Variants in CCDC180 observed in about 807,000 individuals in gnomAD.
CCDC180 encodes the protein coiled-coil domain-containing protein 180.
Under a neutral mutation model 209.2 loss-of-function variants are expected in CCDC180, and 154 were observed. The ratio of observed to expected loss-of-function variants is 0.74; its 90% CI spans 0.65 to 0.84. The LOEUF is 0.84. Ranked by LOEUF, CCDC180 falls within the 40% of genes least tolerant of loss-of-function variation. The probability of loss-of-function intolerance (pLI) is 0.00; values close to 1 mark genes in which losing one functional copy is unlikely to be tolerated. For missense variants in CCDC180, 1,874 were observed against 1,997.3 expected, an observed-to-expected ratio of 0.94 and a Z score of 1.18; for synonymous variants, 778 against 749.1, an observed-to-expected ratio of 1.04 and a Z score of -0.63.
At chr9:97,345,434 T>C (rs1322540804) in intron 19 of CCDC180, among the ~76,000 whole-genome samples, 1 of 152,230 alleles carries the variant, frequency 6.6e-6, no homozygotes, top group Non-Finnish European at 1.5e-5. Flanking sequence ...CATTGTGGTT[T>C]TAATATGTAT....
At chr9:97,370,534 A>G in intron 32 of CCDC180, 107 bp from the exon 33 acceptor site, 1 of 1,279,934 alleles carries the variant, frequency 7.8e-7, no homozygotes, top group Non-Finnish European at 1.1e-6. Flanking sequence ...CCACACACCC[A>G]GGTCAGAGGA....
chr9:97,339,451 A>G (rs1169071177), intron 18 of CCDC180, among the ~76,000 whole-genome samples: 1 of 152,190 alleles, frequency 6.6e-6, no homozygotes, highest in Non-Finnish European at 1.5e-5. Flanking sequence ...TTCTGAGTTG[A>G]AAATTCTTTT....
chr9:97,309,722 CT>C, intron 3 of CCDC180, 118 bp downstream of exon 3: 1 of 795,578 alleles, frequency 1.3e-6, no homozygotes, highest in Non-Finnish European at 1.9e-6. Context: ...AGTACCACCC[CT>C]AAAGCAGGGA....
Position 97,328,070 on chromosome 9 carries a change from C to T in CCDC180, c.1712C>T (p.Ala571Val), listed in dbSNP as rs1394679068. The part of the protein sequence containing the change: ...LLTKEVMEYP[A>V]IMLKELNSYS... The stretch of plus-strand genomic sequence containing the variant: ...ACAAAGGAAGTGATGGAGTACCCAG[C>T]GATCATGCTGAAAGAACTCAACTCC... The change falls in exon 16 of 37, where the codon GCG becomes GTG. Residue 571 changes from alanine to valine, a missense_variant. Coordinates refer to ENST00000529487, the MANE Select transcript of CCDC180 (RefSeq NM_020893.6). The T allele has an allele frequency of 1.7e-5, 28 of 1,613,956 alleles. No homozygotes were observed. The highest frequency in any genetic ancestry group is 1.7e-4 in the Middle Eastern group (1 of 6,060).
chr9:97,365,822 G>T (rs997331498), intron 30 of CCDC180, 83 bp downstream of exon 30: 10 of 1,210,638 alleles, frequency 8.3e-6, no homozygotes, highest in Admixed American at 5.6e-5. Flanking sequence ...CCGCTTGGGG[G>T]AAAATGAGGA....
chr9:97,371,860 G>T (rs1827110720), intron 34 of CCDC180, 154 bp downstream of exon 34: 2 of 482,406 alleles, frequency 4.1e-6, no homozygotes, highest in Non-Finnish European at 7.5e-6. Context: ...ATAATTTTTT[G>T]ATTAAAAAGC....
chr9:97,316,023 C>T (rs1468736556), intron 8 of CCDC180, among the ~76,000 whole-genome samples: 1 of 152,150 alleles, frequency 6.6e-6, no homozygotes, highest in African/African-American at 2.4e-5. Flanking sequence ...CCTGTAATAC[C>T]TGTCAGGACT....
chr9:97,347,521 C>T, intron 20 of CCDC180, 32 bp downstream of exon 20: 2 of 1,525,458 alleles, frequency 1.3e-6, no homozygotes, highest in Non-Finnish European at 1.8e-6. Context: ...GTCTGCCCTG[C>T]CCGCAGCCAC....
Position 97,322,823 on chromosome 9 carries a change from G to A in CCDC180, c.1160-10G>A. On this transcript the variant is annotated splice_polypyrimidine_tract_variant and intron_variant, in intron 11 of 36. Transcript: ENST00000529487. ...TCTGGACTGATTTGCTTTGTTTTCT[G>A]CCCATGGAGACACCTACCACGTGGA... 6.2e-7 allele frequency: 1 copy of A among 1,613,050 alleles called. No homozygotes were observed. Among genetic ancestry groups the A allele is most frequent in the South Asian group, 1.1e-5 (1 of 91,052 alleles).
chr9:97,327,292 T>C (rs1185311776), intron 15 of CCDC180, among the ~76,000 whole-genome samples: 3 of 152,230 alleles, frequency 2.0e-5, no homozygotes, highest in Admixed American at 1.3e-4. Context: ...TATGGGCATA[T>C]ACATTTATAT....
At chr9:97,324,867 G>A (rs1403143470) in intron 13 of CCDC180, 152 bp from the exon 14 acceptor site, 2 of 665,056 alleles carry the variant, frequency 3.0e-6, no homozygotes, top group Non-Finnish European at 4.9e-6. Flanking sequence ...GGAGGACCAA[G>A]AGCACAGGTG....
chr9:97,330,501 C>T lies in CCDC180; in HGVS notation c.2008C>T (p.Leu670=), dbSNP rs774563701. ...EMESFITEEV[L]GQQKKSPLHA... is the part of the protein sequence containing the mutation. ...GGAGTCCTTCATAACTGAAGAGGTG[C>T]TGGGGCAGCAGAAAAAATCTCCACT... is the stretch of plus-strand genomic sequence containing the variant. The change falls in exon 18 of 37, where the codon CTG becomes TTG. Residue 670 remains leucine, a synonymous_variant. Coordinates refer to ENST00000529487, the MANE Select transcript of CCDC180 (RefSeq NM_020893.6). 1 of 1,614,078 alleles carries T rather than the reference C, an allele frequency of 6.2e-7. No homozygotes were observed. Among genetic ancestry groups the T allele is most frequent in the South Asian group, 1.1e-5 (1 of 91,084 alleles).
intron 34 of CCDC180, chr9:97,372,743 C>G (rs1459123982): frequency 6.6e-6 from 1 of 151,860 alleles, no homozygotes. Flanking sequence ...ACGTGTAGTT[C>G]CAGCTCCTAG....
chr9:97,347,407 G>A lies in CCDC180; in HGVS notation c.2592G>A (p.Leu864=), dbSNP rs749290598. 1 of 1,535,994 alleles carries A rather than the reference G, an allele frequency of 6.5e-7. No individual in the cohort carries two copies. ...CCGTGGCCACCAAAATCAATGAGCTGGATTCAGAACTGGAGCTGCATCTGC... is the reference window on the plus strand; with the variant it reads ...CCGTGGCCACCAAAATCAATGAGCTAGATTCAGAACTGGAGCTGCATCTGC... The part of the protein sequence containing the change: ...RVTVATKINE[L]DSELELHLHL... The change falls in exon 20 of 37, where the codon CTG becomes CTA. Residue 864 remains leucine, a synonymous_variant. Coordinates refer to ENST00000529487, the MANE Select transcript of CCDC180 (RefSeq NM_020893.6).
At chr9:97,351,527 C>G (rs1215991678) in intron 22 of CCDC180, among the ~76,000 whole-genome samples, 1 of 152,078 alleles carries the variant, frequency 6.6e-6, no homozygotes, top group Non-Finnish European at 1.5e-5. Flanking sequence ...TTTTGAAAGG[C>G]TATATTTATT....
At chr9:97,367,067 C>T (rs909468106) in intron 31 of CCDC180, among the ~76,000 whole-genome samples, 2 of 152,054 alleles carry the variant, frequency 1.3e-5, no homozygotes, top group Admixed American at 6.5e-5. Flanking sequence ...TCACCGCTAC[C>T]GTCAATTTTA....
intron 18 of CCDC180, among the ~76,000 whole-genome samples, chr9:97,331,943 T>G (rs1825766082): frequency 6.6e-6 from 1 of 152,256 alleles, no homozygotes; most frequent in Non-Finnish European, 1.5e-5. Flanking sequence ...CGCAATTGCT[T>G]TTGGCATCTT....
rs1477867361 is a variant in CCDC180 at position 97,314,374 on chromosome 9, T to C, written c.460-19T>C. The C allele has an allele frequency of 3.7e-6, 6 of 1,613,906 alleles. No individual in the cohort carries two copies. Among genetic ancestry groups the C allele is most frequent in the Middle Eastern group, 1.6e-4 (1 of 6,062 alleles). ...AGGGGTGCTGATGCCTTGGCCATCA[T>C]ACCCCTGGCCTGTTGCAGGAAATGG... On this transcript the variant is annotated intron_variant, in intron 5 of 36. Coordinates refer to ENST00000529487, the MANE Select transcript of CCDC180 (RefSeq NM_020893.6).
At chr9:97,315,788 C>G (rs1026674246) in intron 8 of CCDC180, among the ~76,000 whole-genome samples, 3 of 152,198 alleles carry the variant, frequency 2.0e-5, no homozygotes, top group Non-Finnish European at 4.4e-5. Context: ...AGGCCTTTTC[C>G]ACTGCCCAGA....
Sources: allele counts gnomAD v4.1 joint callset (sites outside exome capture counted in the v4.1 genomes callset), GRCh38; gene constraint gnomAD v4.1.1; transcripts MANE v1.5; gene names NCBI Gene and HGNC (gene_info 2026-07-23, HGNC 2026-07-21).